NCOA1: variants seen among roughly 807,000 people sequenced by gnomAD.
The protein encoded by NCOA1 is Hin-2 protein.
Under a neutral mutation model 150.9 loss-of-function variants are expected in NCOA1, and 35 were observed. The observed-to-expected ratio is 0.23, with a 90% CI of 0.18 to 0.31. The LOEUF (loss-of-function observed/expected upper bound fraction) is 0.31, where lower values mean the gene tolerates loss of function less well. Among genes scored for constraint, NCOA1 ranks in the 10% least tolerant of loss-of-function variants. The pLI is 1.00. For synonymous variants in NCOA1, 590 were observed against 630.0 expected (o/e 0.94, Z 0.95); for missense variants, 1,491 against 1,749.3 (o/e 0.85, Z 2.63).
At chr2:24,588,450 A>G (rs1667508896) in intron 3 of NCOA1, among the ~76,000 whole-genome samples, 1 of 152,200 alleles carries the variant, frequency 6.6e-6, no homozygotes, top group Admixed American at 6.5e-5. Context: ...GCTGTTGGAA[A>G]GGAATTTTTC....
chr2:24,542,206 C>T (rs967259023), intron 1 of NCOA1, among the ~76,000 whole-genome samples: 9 of 152,050 alleles, frequency 5.9e-5, no homozygotes, highest in African/African-American at 2.2e-4. Context: ...AGTAGTCAAA[C>T]AATACAGAAA....
intron 3 of NCOA1, among the ~76,000 whole-genome samples, chr2:24,641,075 T>C (rs1043938990): frequency 8.5e-5 from 13 of 152,130 alleles, no homozygotes; most frequent in Admixed American, 7.2e-4. Context: ...TACTTTCTTA[T>C]ATTTTCAAAT....
chr2:24,491,337 G>A lies in NCOA1; in HGVS notation c.-661G>A, dbSNP rs1662943922. ...TGTTCTTCAGGCCGGGCGAGCGGGA[G>A]TCTGACGCGATTTGCTGAGCTCTGT... On this transcript the variant is annotated 5_prime_UTR_variant, in exon 1 of 23. Transcript: ENST00000348332. Among the ~76,000 whole-genome samples, 1 of 147,992 alleles carries A rather than the reference G, an allele frequency of 6.8e-6. No homozygotes were observed. The highest frequency in any genetic ancestry group is 2.4e-5 in the African/African-American group (1 of 41,028).
intron 3 of NCOA1, among the ~76,000 whole-genome samples, chr2:24,599,984 G>A (rs759192192): frequency 1.3e-5 from 2 of 151,984 alleles, no homozygotes; most frequent in Non-Finnish European, 2.9e-5. Flanking sequence ...ACCCGCCTCC[G>A]CCTCCCAAAC....
chr2:24,668,974 A>G (rs899597684), intron 6 of NCOA1, among the ~76,000 whole-genome samples: 1 of 152,200 alleles, frequency 6.6e-6, no homozygotes, highest in African/African-American at 2.4e-5. Flanking sequence ...TATAAAGTAT[A>G]TTTATATGAC....
At chr2:24,694,323 CACTT>C (rs542896979) in intron 10 of NCOA1, among the ~76,000 whole-genome samples, 1 of 152,134 alleles carries the variant, frequency 6.6e-6, no homozygotes, top group Non-Finnish European at 1.5e-5. Context: ...ACATATATAT[CACTT>C]ACCTCTCTAA....
At chr2:24,515,166 T>TA (rs1313841952) in intron 1 of NCOA1, among the ~76,000 whole-genome samples, 2 of 152,232 alleles carry the variant, frequency 1.3e-5, no homozygotes, top group Non-Finnish European at 2.9e-5. Flanking sequence ...GTTCCTAAAT[T>TA]ACTAAAGGTG....
intron 13 of NCOA1, 63 bp downstream of exon 13, chr2:24,707,951 T>G (rs1673540278): frequency 2.7e-6 from 4 of 1,505,630 alleles, no homozygotes; most frequent in African/African-American, 1.4e-5. Context: ...ATTTATTCTA[T>G]TCCATCTGTA....
intron 17 of NCOA1, among the ~76,000 whole-genome samples, chr2:24,730,049 T>C (rs1249128364): frequency 6.6e-6 from 1 of 152,144 alleles, no homozygotes; most frequent in African/African-American, 2.4e-5. Flanking sequence ...TTTCACCATA[T>C]TGGCCAGGAT....
intron 2 of NCOA1, among the ~76,000 whole-genome samples, chr2:24,576,155 T>TTTTTG (rs1666957354): frequency 4.1e-5 from 4 of 96,446 alleles, no homozygotes; most frequent in African/African-American, 1.6e-4. Flanking sequence ...CTTTGTTTTT[T>TTTTTG]TTTTTTTGTT....
chr2:24,570,231 C>A (rs1666690905), intron 2 of NCOA1, among the ~76,000 whole-genome samples: 1 of 151,800 alleles, frequency 6.6e-6, no homozygotes, highest in South Asian at 2.1e-4. Flanking sequence ...AAGAAAGAAA[C>A]CAGCTGAATA....
chr2:24,550,972 G>A (rs1558786363), intron 1 of NCOA1, among the ~76,000 whole-genome samples: 1 of 152,160 alleles, frequency 6.6e-6, no homozygotes, highest in Admixed American at 6.6e-5. Context: ...AGCTAGGCAT[G>A]TAATCTCAGC....
At chr2:24,690,601 G>A (rs1201734006) in intron 8 of NCOA1, among the ~76,000 whole-genome samples, 4 of 122,510 alleles carry the variant, frequency 3.3e-5, no homozygotes, top group Admixed American at 1.1e-4. Flanking sequence ...GTGGTGAGCC[G>A]AGATCACACC....
chr2:24,700,801 T>A (rs1255298419), intron 11 of NCOA1, among the ~76,000 whole-genome samples: 1 of 152,186 alleles, frequency 6.6e-6, no homozygotes, highest in Non-Finnish European at 1.5e-5. Context: ...TAAACTAGAT[T>A]TCTGGACCCC....
chr2:24,723,194 A>C (rs1674445053), intron 14 of NCOA1, among the ~76,000 whole-genome samples: 1 of 152,212 alleles, frequency 6.6e-6, no homozygotes, highest in Non-Finnish European at 1.5e-5. Context: ...TTAAAATACA[A>C]ATAGTGTCAT....
At chr2:24,562,740 G>A (rs1358032292) in intron 1 of NCOA1, among the ~76,000 whole-genome samples, 2 of 152,198 alleles carry the variant, frequency 1.3e-5, no homozygotes, top group African/African-American at 4.8e-5. Flanking sequence ...GGGTGGTGAA[G>A]CTGAAGCAAG....
intron 1 of NCOA1, among the ~76,000 whole-genome samples, chr2:24,515,119 T>C (rs1028245351): frequency 4.6e-5 from 7 of 152,264 alleles, no homozygotes; most frequent in Admixed American, 1.3e-4. Flanking sequence ...TATTTTTGTT[T>C]TCAAAAATTT....
intron 19 of NCOA1, among the ~76,000 whole-genome samples, chr2:24,750,019 C>T (rs1664136493): frequency 2.0e-5 from 3 of 151,858 alleles, no homozygotes; most frequent in Admixed American, 6.6e-5. Context: ...ATGAAAACTA[C>T]AGTGTCTGAG....
chr2:24,601,951 T>G (rs1668142312), intron 3 of NCOA1, among the ~76,000 whole-genome samples: 1 of 152,146 alleles, frequency 6.6e-6, no homozygotes, highest in Admixed American at 6.5e-5. Flanking sequence ...GTCCTTTCTT[T>G]ACCGGAAGTC....
Sources: gnomAD v4.1 joint callset for allele counts (sites outside exome capture counted in the v4.1 genomes callset) on GRCh38, gnomAD v4.1.1 for gene constraint, MANE v1.5 for transcripts, NCBI Gene and HGNC (gene_info 2026-07-23, HGNC 2026-07-21) for gene names.